MAP7D2: variants seen among roughly 807,000 people sequenced by gnomAD.
The protein encoded by MAP7D2 is MAP7 domain containing 2, also known as MAP7 domain-containing protein 2.
A neutral mutation model predicts 63.5 loss-of-function variants in MAP7D2; 33 were observed. The ratio of observed to expected loss-of-function variants is 0.52; its 90% CI spans 0.39 to 0.70. The LOEUF is 0.70. MAP7D2 is among the 30% of genes least tolerant of loss of function. The probability of loss-of-function intolerance (pLI) is 0.00; values close to 1 mark genes in which losing one functional copy is unlikely to be tolerated. For missense variants in MAP7D2, 626 were observed against 604.0 expected (o/e 1.04, Z -0.38); for synonymous variants, 224 against 223.7 (o/e 1.00, Z -0.01).
At chrX:20,030,362 A>G (rs1172309193) in intron 8 of MAP7D2, among the ~76,000 whole-genome samples, 1 of 112,068 alleles carries the variant, frequency 8.9e-6, no homozygotes, top group Non-Finnish European at 1.9e-5. Flanking sequence ...TTCCACTTTA[A>G]TTTTTTAAGG....
chrX:20,064,242 T>C (rs1224694355), intron 2 of MAP7D2, among the ~76,000 whole-genome samples: 4 of 112,123 alleles, frequency 3.6e-5, no homozygotes, highest in African/African-American at 1.3e-4. Context: ...TCCCTCAGCA[T>C]CCTGTGAAGA....
intron 1 of MAP7D2, among the ~76,000 whole-genome samples, chrX:20,071,463 TG>T (rs1019282431): frequency 8.9e-6 from 1 of 112,309 alleles, no homozygotes; most frequent in African/African-American, 3.2e-5. Flanking sequence ...CTGGAGGGCT[TG>T]TGAAAATGAC....
chrX:20,061,273 G>A (rs1041075042), intron 3 of MAP7D2, among the ~76,000 whole-genome samples: 6 of 110,777 alleles, frequency 5.4e-5, no homozygotes, highest in African/African-American at 1.6e-4. Flanking sequence ...AGGGGCTTCC[G>A]TAATGCAGGC....
At chrX:20,091,197 C>T (rs1276865161) in intron 1 of MAP7D2, among the ~76,000 whole-genome samples, 2 of 106,672 alleles carry the variant, frequency 1.9e-5, no homozygotes, top group African/African-American at 3.4e-5. Flanking sequence ...GGATTACAGG[C>T]GGCCACCACC....
chrX:20,016,048 G>T, intron 11 of MAP7D2, 46 bp downstream of exon 11: 1 of 1,055,333 alleles, frequency 9.5e-7, no homozygotes, highest in Non-Finnish European at 1.3e-6. Flanking sequence ...CTACTATCAA[G>T]GTCCTTAAAA....
chrX:20,085,728 T>C (rs1304045034), intron 1 of MAP7D2, among the ~76,000 whole-genome samples: 5 of 112,495 alleles, frequency 4.4e-5, no homozygotes, highest in Admixed American at 1.9e-4. Flanking sequence ...TTTTCTTTTT[T>C]TGTGACAAAG....
chrX:20,116,678 C>T, intron 1 of MAP7D2, 72 bp downstream of exon 1: 1 of 1,084,798 alleles, frequency 9.2e-7, no homozygotes, highest in Non-Finnish European at 1.2e-6. Context: ...GACCTTTGCC[C>T]TGGGCCGCCG....
chrX:20,042,370 A>C (rs762169008), intron 8 of MAP7D2, 132 bp downstream of exon 8: 3 of 731,553 alleles, frequency 4.1e-6, no homozygotes, highest in Non-Finnish European at 6.2e-6. Context: ...CAAGGCCAGC[A>C]TTTCTCCCAC....
intron 1 of MAP7D2, among the ~76,000 whole-genome samples, chrX:20,081,084 G>A (rs2065765665): frequency 8.9e-6 from 1 of 111,984 alleles, no homozygotes; most frequent in Non-Finnish European, 1.9e-5. Context: ...TTAGAAGCTT[G>A]TTGCTTTTTC....
intron 8 of MAP7D2, among the ~76,000 whole-genome samples, chrX:20,027,680 GGAGGGAGAGAGGGAGAGAGAAAGA>G (rs1424927953): frequency 2.6e-4 from 28 of 108,231 alleles, no homozygotes; most frequent in Non-Finnish European, 4.4e-4. Context: ...GGTAGGGCGG[GGAGGGAGAGAGGGAGAGAGAAAGA>G]GAGGGAGAGA....
At chrX:20,056,838 C>A in intron 3 of MAP7D2, 47 bp from the exon 4 acceptor site, 1 of 1,084,799 alleles carries the variant, frequency 9.2e-7, no homozygotes, top group Non-Finnish European at 1.3e-6. Context: ...AACTACCCAG[C>A]CCCACCACAC....
rs184428239 is a variant in MAP7D2, at chrX:20,093,085, G to A, written c.130+23665C>T. Among the ~76,000 whole-genome samples, 203 of 111,812 alleles carry A rather than the reference G, an allele frequency of 1.8e-3. 1 individual carries two copies. The highest frequency in any genetic ancestry group is 6.2e-3 in the African/African-American group (190 of 30,770). On this transcript the variant is annotated intron_variant, in intron 1 of 16. Transcript: ENST00000379643. ...CGCAGTTCCCACAGCCTCCCAGCCAGTGAAAAGAAGGCTGGCCTCATAGTG... is the reference window on the plus strand; with the variant it reads ...CGCAGTTCCCACAGCCTCCCAGCCAATGAAAAGAAGGCTGGCCTCATAGTG...
At chrX:20,116,671 C>T (rs2066903075) in intron 1 of MAP7D2, 79 bp downstream of exon 1, 2 of 1,072,988 alleles carry the variant, frequency 1.9e-6, no homozygotes, top group East Asian at 7.5e-5. Flanking sequence ...GCTCGAGGAC[C>T]TTTGCCCTGG....
At chrX:20,076,801 G>A (rs774718864) in intron 1 of MAP7D2, among the ~76,000 whole-genome samples, 8 of 112,294 alleles carry the variant, frequency 7.1e-5, no homozygotes, top group Non-Finnish European at 1.3e-4. Context: ...AATCTACGCC[G>A]TTAATAGATT....
intron 8 of MAP7D2, among the ~76,000 whole-genome samples, chrX:20,040,489 G>A (rs966770085): frequency 1.4e-4 from 16 of 111,811 alleles, no homozygotes; most frequent in Non-Finnish European, 2.8e-4. Flanking sequence ...CAGATTTGAT[G>A]TGCCTTCCTC....
intron 8 of MAP7D2, among the ~76,000 whole-genome samples, chrX:20,035,918 A>C (rs1311952800): frequency 1.5e-5 from 1 of 65,235 alleles, no homozygotes; most frequent in African/African-American, 5.9e-5. Context: ...GTCTCAAAAA[A>C]AATATATATG....
At position 20,016,448 on chromosome X, in the gene MAP7D2, G is replaced by A. The variant is rs1165729426; in HGVS notation, c.1413-123C>T. On this transcript the variant is annotated intron_variant, in intron 10 of 16. Transcript: ENST00000379643. ...AACACACACACATACCTTTCAACGA[G>A]CATTCATTTAATAACATGATTCATC... 3 of 590,531 alleles carry A rather than the reference G, an allele frequency of 5.1e-6. No homozygotes were observed. The Admixed American group carries it at 9.0e-5, about 18-fold the overall frequency. The allele number at this position is 590,531 out of a possible 1,213,427, so 48.7% of individuals were successfully genotyped here. A position where few individuals can be genotyped will look rare whatever the true frequency, so the allele number is the denominator to read the frequency against.
chrX:20,115,146 G>A (rs1471343350), intron 1 of MAP7D2, among the ~76,000 whole-genome samples: 1 of 107,794 alleles, frequency 9.3e-6, no homozygotes, highest in African/African-American at 3.4e-5. Context: ...TCAGAAGAGT[G>A]CATTAAATGA....
rs1182018691 is a variant in MAP7D2, at chrX:20,094,492, ATATATATATATATATATATATATG to A, written c.130+22234_130+22257del. On this transcript the variant is annotated intron_variant, in intron 1 of 16. Coordinates refer to ENST00000379643, the MANE Select transcript of MAP7D2 (RefSeq NM_001168465.2). ...GGTAATAAAAAAAATACATACATAT[ATATATATATATATATATATATATG>A]TATATATATATATATATATATATAT... Among the ~76,000 whole-genome samples the A allele has an allele frequency of 6.0e-3, 82 of 13,704 alleles. 4 individuals are homozygous for A. The highest frequency in any genetic ancestry group is 0.015 in the African/African-American group (71 of 4,588). 11.9% of individuals were successfully genotyped at this position (13,704 alleles called of 115,157 possible).
Sources: gnomAD v4.1 joint callset for allele counts (sites outside exome capture counted in the v4.1 genomes callset) on GRCh38, gnomAD v4.1.1 for gene constraint, MANE v1.5 for transcripts, NCBI Gene and HGNC (gene_info 2026-07-23, HGNC 2026-07-21) for gene names.